PTPN12: variants seen among roughly 807,000 people sequenced by gnomAD.
PTPN12 encodes the protein protein tyrosine phosphatase non-receptor type 12.
Under a neutral mutation model 97.6 loss-of-function variants are expected in PTPN12, and 29 were observed. The observed-to-expected ratio is 0.30, with a 90% confidence interval of 0.22 to 0.41. The LOEUF is 0.41. Ranked by LOEUF, PTPN12 falls within the 10% of genes least tolerant of loss-of-function variation. The pLI is 1.00. For synonymous variants in PTPN12, 327 were observed against 300.4 expected, an observed-to-expected ratio of 1.09 and a Z score of -0.91; for missense variants, 819 against 926.0, an observed-to-expected ratio of 0.88 and a Z score of 1.50.
intron 1 of PTPN12, among the ~76,000 whole-genome samples, chr7:77,569,222 G>A (rs1334806466): frequency 6.6e-6 from 1 of 152,096 alleles, no homozygotes; most frequent in Non-Finnish European, 1.5e-5. Flanking sequence ...AAATGCAAAT[G>A]TTTTTATTTC....
intron 12 of PTPN12, among the ~76,000 whole-genome samples, chr7:77,624,629 C>G (rs905352299): frequency 6.6e-6 from 1 of 151,592 alleles, no homozygotes; most frequent in East Asian, 2.0e-4. Context: ...TTAGTAGAGA[C>G]GGGGTTTTGC....
intron 9 of PTPN12, among the ~76,000 whole-genome samples, chr7:77,609,341 G>T (rs1428359094): frequency 7.1e-6 from 1 of 141,286 alleles, no homozygotes; most frequent in African/African-American, 2.7e-5. Context: ...GTGTAATCTC[G>T]GCTCACTGCA....
At chr7:77,596,721 A>C (rs1033297260) in intron 6 of PTPN12, among the ~76,000 whole-genome samples, 1 of 151,916 alleles carries the variant, frequency 6.6e-6, no homozygotes, top group East Asian at 1.9e-4. Context: ...TTTCAAGACT[A>C]TTTTTTTTAG....
At chr7:77,545,997 T>C (rs1340890476) in intron 1 of PTPN12, among the ~76,000 whole-genome samples, 2 of 152,150 alleles carry the variant, frequency 1.3e-5, no homozygotes, top group African/African-American at 4.8e-5. Context: ...AGTGGCACCA[T>C]CTCAGCTCAC....
chr7:77,553,576 A>G (rs1807570798), intron 1 of PTPN12, among the ~76,000 whole-genome samples: 1 of 152,220 alleles, frequency 6.6e-6, no homozygotes, highest in East Asian at 1.9e-4. Context: ...TTGCCATGAA[A>G]TCTGCTTTAT....
At chr7:77,613,422 A>G (rs1423628025) in intron 11 of PTPN12, among the ~76,000 whole-genome samples, 5 of 150,442 alleles carry the variant, frequency 3.3e-5, no homozygotes, top group Admixed American at 2.0e-4. Flanking sequence ...TGATCCACCC[A>G]CCTCAGCCTC....
chr7:77,634,432 T>C (rs1203517546), intron 14 of PTPN12, among the ~76,000 whole-genome samples: 2 of 152,032 alleles, frequency 1.3e-5, no homozygotes, highest in East Asian at 3.9e-4. Context: ...TTTTTATTTA[T>C]TTATTTTTTA....
intron 1 of PTPN12, among the ~76,000 whole-genome samples, chr7:77,545,002 A>G (rs889639280): frequency 3.3e-5 from 5 of 152,224 alleles, no homozygotes; most frequent in African/African-American, 1.2e-4. Flanking sequence ...GATAAGAGCT[A>G]CATTGAATTC....
chr7:77,619,333 G>C (rs780787869), intron 12 of PTPN12, among the ~76,000 whole-genome samples: 1 of 152,118 alleles, frequency 6.6e-6, no homozygotes. Context: ...AAACTTTGGG[G>C]AAAGTTGGGT....
At chr7:77,618,154 G>A (rs1254701390) in intron 11 of PTPN12, among the ~76,000 whole-genome samples, 2 of 152,010 alleles carry the variant, frequency 1.3e-5, no homozygotes, top group Non-Finnish European at 2.9e-5. Flanking sequence ...GGTAGTGATG[G>A]CGGGGCGGGG....
In PTPN12 at chr7:77,639,372, A is replaced by T; in HGVS notation, c.*92A>T. ...TAGTATTCCATCTTTAATATGTGGG[A>T]CTAACAGCAGTGTAGATTGTTACCT... On this transcript the variant is annotated 3_prime_UTR_variant, in exon 18 of 18. Transcript: ENST00000248594. 1 of 1,038,882 alleles carries T rather than the reference A, an allele frequency of 9.6e-7. No individual in the cohort carries two copies. The highest frequency in any genetic ancestry group is 1.5e-6 in the Non-Finnish European group (1 of 685,890). The allele number at this position is 1,038,882 out of a possible 1,614,324, so 64.4% of individuals were successfully genotyped here. A position where few individuals can be genotyped will look rare whatever the true frequency, so the allele number is the denominator to read the frequency against.
chr7:77,575,428 A>T (rs1562722606), intron 2 of PTPN12, among the ~76,000 whole-genome samples: 1 of 152,166 alleles, frequency 6.6e-6, no homozygotes, highest in South Asian at 2.1e-4. Flanking sequence ...GGATCACTTG[A>T]GACCAGGAGG....
intron 9 of PTPN12, among the ~76,000 whole-genome samples, chr7:77,609,270 TC>T (rs1226923059): frequency 2.8e-5 from 2 of 70,700 alleles, no homozygotes; most frequent in African/African-American, 2.0e-4. Context: ...GTTCTCTCTC[TC>T]TCTTTTTTTT....
intron 1 of PTPN12, among the ~76,000 whole-genome samples, chr7:77,570,564 G>C (rs1255691578): frequency 6.6e-6 from 1 of 152,242 alleles, no homozygotes; most frequent in African/African-American, 2.4e-5. Flanking sequence ...CTGTAATGCA[G>C]TGAATAAGCA....
At position 77,597,501 on chromosome 7, in the gene PTPN12, G is replaced by A. The variant is rs182982617; in HGVS notation, c.493-341G>A. Among the ~76,000 whole-genome samples, 20 of 152,152 alleles carry A rather than the reference G, an allele frequency of 1.3e-4. No individual in the cohort carries two copies. In the East Asian group the frequency reaches 2.9e-3, roughly 22 times the overall value. On this transcript the variant is annotated intron_variant, in intron 6 of 17. Coordinates refer to ENST00000248594, the MANE Select transcript of PTPN12 (RefSeq NM_002835.4). ...TTTCACTTAGTAATGTGCATTTAGG[G>A]TTCATCCATGTCTTTTCATGGCTTA...
At chr7:77,556,754 C>T (rs528805542) in intron 1 of PTPN12, among the ~76,000 whole-genome samples, 10 of 151,934 alleles carry the variant, frequency 6.6e-5, no homozygotes, top group African/African-American at 2.4e-5. Flanking sequence ...CACTTGAACC[C>T]GGGAGGTGGA....
rs1015764660 is a variant in PTPN12, at chr7:77,625,254, T to G, written c.1026-1451T>G. ...TAGTAAACCCTATCTTCTTCTTTGGTTTTTTTTTTTTTTTGAGACAGGATC... is the reference window on the plus strand; with the variant it reads ...TAGTAAACCCTATCTTCTTCTTTGGGTTTTTTTTTTTTTTGAGACAGGATC... On this transcript the variant is annotated intron_variant, in intron 12 of 17. Transcript: ENST00000248594. Among the ~76,000 whole-genome samples, 6 of 126,884 alleles carry G rather than the reference T, an allele frequency of 4.7e-5. No individual in the cohort carries two copies. In the South Asian group the frequency reaches 9.3e-4, roughly 20 times the overall value. 83.2% of individuals were successfully genotyped at this position (126,884 alleles called of 152,430 possible).
At chr7:77,613,238 A>C (rs1399407466) in intron 11 of PTPN12, among the ~76,000 whole-genome samples, 2 of 121,730 alleles carry the variant, frequency 1.6e-5, no homozygotes, top group Admixed American at 1.0e-4. Flanking sequence ...GCAGTAGCAC[A>C]GTCTCGGCTC....
chr7:77,553,041 G>A lies in PTPN12; in HGVS notation c.99+15396G>A, dbSNP rs878898034. 3.3e-5 allele frequency among the ~76,000 whole-genome samples: 5 copies of A among 152,168 alleles called. No homozygotes were observed. In the East Asian group the frequency reaches 7.7e-4, roughly 23 times the overall value. ...TTTTGGTGACAGAGACAGAAAGAAT[G>A]TGTATAGTATATTTAATTATCTGAA... On this transcript the variant is annotated intron_variant, in intron 1 of 17. Coordinates refer to ENST00000248594, the MANE Select transcript of PTPN12 (RefSeq NM_002835.4).
Sources: allele counts gnomAD v4.1 joint callset (sites outside exome capture counted in the v4.1 genomes callset), GRCh38; gene constraint gnomAD v4.1.1; transcripts MANE v1.5; gene names NCBI Gene and HGNC (gene_info 2026-07-23, HGNC 2026-07-21).